TAFA4: variants seen among roughly 807,000 people sequenced by gnomAD.
TAFA4 encodes the protein chemokine-like protein TAFA-4.
In TAFA4, 20 loss-of-function variants were observed where a neutral mutation model predicts 21.1. The observed-to-expected ratio is 0.95, with a 90% CI of 0.67 to 1.38. TAFA4 has a LOEUF of 1.38. Among genes scored for constraint, TAFA4 ranks in the 40% most tolerant of loss-of-function variants. The pLI, the probability that TAFA4 is intolerant of heterozygous loss-of-function variation, is 0.00. For missense variants in TAFA4, 211 were observed against 180.9 expected (o/e 1.17, Z -0.95); for synonymous variants, 71 against 67.4 (o/e 1.05, Z -0.26).
chr3:68,873,314 C>CA (rs1472659583), intron 3 of TAFA4, among the ~76,000 whole-genome samples: 1 of 135,456 alleles, frequency 7.4e-6, no homozygotes, highest in Non-Finnish European at 1.6e-5. Context: ...GACACACACA[C>CA]AACAGACAGA....
At chr3:68,885,075 G>A in intron 2 of TAFA4, 100 bp downstream of exon 2, 2 of 1,084,622 alleles carry the variant, frequency 1.8e-6, no homozygotes, top group South Asian at 2.9e-5. Flanking sequence ...GTAAAAGCAG[G>A]CTTCTAAAAC....
intron 4 of TAFA4, among the ~76,000 whole-genome samples, chr3:68,743,236 T>A (rs191379690): frequency 6.6e-6 from 1 of 152,232 alleles, no homozygotes. Flanking sequence ...TGCCAGAGAC[T>A]GCCACTAAAC....
At chr3:68,842,974 C>G (rs1487088988) in intron 3 of TAFA4, among the ~76,000 whole-genome samples, 6 of 152,160 alleles carry the variant, frequency 3.9e-5, no homozygotes, top group Non-Finnish European at 5.9e-5. Flanking sequence ...AGCATGATGC[C>G]TCCAGCTTCG....
intron 1 of TAFA4, among the ~76,000 whole-genome samples, chr3:68,922,946 G>A (rs2090073712): frequency 6.6e-6 from 1 of 152,092 alleles, no homozygotes; most frequent in African/African-American, 2.4e-5. Context: ...AGAGCTTACT[G>A]GCACTGTCTG....
intron 3 of TAFA4, among the ~76,000 whole-genome samples, chr3:68,782,048 C>A (rs1293875324): frequency 6.6e-6 from 1 of 151,992 alleles, no homozygotes; most frequent in East Asian, 1.9e-4. Context: ...AGAATACTTT[C>A]AAGAGTAGAA....
intron 3 of TAFA4, among the ~76,000 whole-genome samples, chr3:68,771,835 T>C (rs997920392): frequency 3.3e-5 from 5 of 152,202 alleles, no homozygotes; most frequent in African/African-American, 1.2e-4. Flanking sequence ...TTCACCAAAA[T>C]TGTGTGTTAC....
At chr3:68,872,385 T>A (rs114521672) in intron 3 of TAFA4, among the ~76,000 whole-genome samples, 3,091 of 152,032 alleles carry the variant, frequency 0.02, 108 homozygotes, top group African/African-American at 0.07. Context: ...TGATTGGTGG[T>A]TACCAGGGGC....
chr3:68,807,013 C>T (rs1228134600), intron 3 of TAFA4, among the ~76,000 whole-genome samples: 1 of 152,176 alleles, frequency 6.6e-6, no homozygotes, highest in Non-Finnish European at 1.5e-5. Context: ...GAAGTCCTGC[C>T]AATGCACTTC....
intron 4 of TAFA4, among the ~76,000 whole-genome samples, chr3:68,741,710 T>G (rs951114923): frequency 6.6e-6 from 1 of 152,012 alleles, no homozygotes; most frequent in Non-Finnish European, 1.5e-5. Context: ...GAGAATGGTG[T>G]GAACCCGGGA....
intron 3 of TAFA4, among the ~76,000 whole-genome samples, chr3:68,836,946 G>A (rs1704536426): frequency 6.6e-6 from 1 of 152,244 alleles, no homozygotes; most frequent in Non-Finnish European, 1.5e-5. Flanking sequence ...TCTGAGAACA[G>A]TGATGATAAT....
intron 4 of TAFA4, among the ~76,000 whole-genome samples, chr3:68,744,711 T>C (rs1702422418): frequency 6.6e-6 from 1 of 152,126 alleles, no homozygotes; most frequent in African/African-American, 2.4e-5. Context: ...CTATGCCACT[T>C]CTTAACTACA....
chr3:68,828,223 T>A (rs1704299353), intron 3 of TAFA4, among the ~76,000 whole-genome samples: 2 of 152,202 alleles, frequency 1.3e-5, no homozygotes, highest in Admixed American at 6.5e-5. Flanking sequence ...TCTGTTCTGT[T>A]CCATTGGTCT....
At chr3:68,886,233 T>TAG (rs2089671330) in intron 1 of TAFA4, among the ~76,000 whole-genome samples, 1 of 152,202 alleles carries the variant, frequency 6.6e-6, no homozygotes, top group Non-Finnish European at 1.5e-5. Flanking sequence ...CAAGTTTGAT[T>TAG]AGAGAACACT....
intron 3 of TAFA4, among the ~76,000 whole-genome samples, chr3:68,787,538 G>A (rs1307556540): frequency 6.6e-6 from 1 of 152,156 alleles, no homozygotes; most frequent in African/African-American, 2.4e-5. Flanking sequence ...TTGTAAAGAA[G>A]AAAGAAGGGA....
chr3:68,831,282 T>C (rs749676035), intron 3 of TAFA4, among the ~76,000 whole-genome samples: 1 of 151,794 alleles, frequency 6.6e-6, no homozygotes, highest in Non-Finnish European at 1.5e-5. Flanking sequence ...CTTCACAGTG[T>C]CGATGGTCTT....
At chr3:68,783,673 C>CAGAGAGAG (rs1163439201) in intron 3 of TAFA4, among the ~76,000 whole-genome samples, 21 of 86,176 alleles carry the variant, frequency 2.4e-4, no homozygotes, top group Non-Finnish European at 4.1e-4. Flanking sequence ...CACACACACA[C>CAGAGAGAG]AGAGAGAGAG....
At chr3:68,866,651 T>TGAAAAAAAAAAAAA (rs2089422441) in intron 3 of TAFA4, among the ~76,000 whole-genome samples, 1 of 12,396 alleles carries the variant, frequency 8.1e-5, no homozygotes, top group Non-Finnish European at 1.2e-4. Context: ...ATAGCAGTTC[T>TGAAAAAAAAAAAAA]AAAAAAAAAA....
intron 4 of TAFA4, among the ~76,000 whole-genome samples, chr3:68,751,292 G>C (rs982228639): frequency 1.3e-5 from 2 of 152,114 alleles, no homozygotes; most frequent in Admixed American, 6.5e-5. Flanking sequence ...TTTCAGTATG[G>C]GAGTGACATA....
intron 3 of TAFA4, among the ~76,000 whole-genome samples, chr3:68,810,959 T>C (rs1703822806): frequency 6.6e-6 from 1 of 152,106 alleles, no homozygotes; most frequent in Non-Finnish European, 1.5e-5. Context: ...GGCCAGGTAC[T>C]CCTCTGAGAC....
Sources: allele counts gnomAD v4.1 joint callset (sites outside exome capture counted in the v4.1 genomes callset), GRCh38; gene constraint gnomAD v4.1.1; transcripts MANE v1.5; gene names NCBI Gene and HGNC (gene_info 2026-07-23, HGNC 2026-07-21).